The following CNBD1 variants were observed in gnomAD, a reference collection of about 807,000 sequenced individuals.
CNBD1 encodes cyclic nucleotide-binding domain-containing protein 1.
In CNBD1, 71 loss-of-function variants were observed where a neutral mutation model predicts 54.4. The observed-to-expected ratio is 1.30, with a 90% CI of 1.08 to 1.59. The LOEUF (loss-of-function observed/expected upper bound fraction) is 1.59. Ranked by LOEUF, CNBD1 falls within the 40% of genes most tolerant of loss-of-function variation. The probability of loss-of-function intolerance (pLI) is 0.00; values close to 1 mark genes in which losing one functional copy is unlikely to be tolerated. For synonymous variants in CNBD1, 182 were observed against 170.7 expected (o/e 1.07, Z -0.51); for missense variants, 659 against 518.0 (o/e 1.27, Z -2.64).
At chr8:87,269,102 T>A (rs1217595688) in intron 6 of CNBD1, among the ~76,000 whole-genome samples, 1 of 152,014 alleles carries the variant, frequency 6.6e-6, no homozygotes, top group African/African-American at 2.4e-5. Flanking sequence ...TTTTTGTATA[T>A]TGTAAAAGAA....
At chr8:87,079,285 A>G (rs1421141282) in intron 4 of CNBD1, among the ~76,000 whole-genome samples, 1 of 152,144 alleles carries the variant, frequency 6.6e-6, no homozygotes, top group Non-Finnish European at 1.5e-5. Context: ...TGGATAGTGA[A>G]TAAAGGTGTT....
At chr8:86,987,917 C>T (rs1222685648) in intron 4 of CNBD1, among the ~76,000 whole-genome samples, 2 of 152,020 alleles carry the variant, frequency 1.3e-5, no homozygotes, top group African/African-American at 4.8e-5. Context: ...TTGTTCAGAA[C>T]TTTTGTGTCT....
chr8:86,934,967 A>G (rs79925466), intron 3 of CNBD1, among the ~76,000 whole-genome samples: 12,098 of 152,028 alleles, frequency 0.08, 628 homozygotes, highest in African/African-American at 0.15. Context: ...CTTGCTGGAA[A>G]CTACATATGA....
At chr8:87,092,025 A>G (rs965040662) in intron 4 of CNBD1, among the ~76,000 whole-genome samples, 5 of 152,224 alleles carry the variant, frequency 3.3e-5, no homozygotes, top group Non-Finnish European at 7.3e-5. Context: ...ACATATAACA[A>G]ATGCAGATGG....
At chr8:87,157,253 G>A (rs1412400581) in intron 4 of CNBD1, among the ~76,000 whole-genome samples, 1 of 152,108 alleles carries the variant, frequency 6.6e-6, no homozygotes, top group Non-Finnish European at 1.5e-5. Flanking sequence ...TTTATCATTG[G>A]TCTGGCTAAT....
intron 2 of CNBD1, among the ~76,000 whole-genome samples, chr8:87,426,753 G>T (rs1011297126): frequency 7.9e-5 from 12 of 152,124 alleles, no homozygotes; most frequent in Non-Finnish European, 1.3e-4. Flanking sequence ...AGCACTTAGT[G>T]TGCATAATCA....
intron 2 of CNBD1, among the ~76,000 whole-genome samples, chr8:87,410,176 C>T (rs1011998837): frequency 3.3e-5 from 5 of 152,128 alleles, no homozygotes; most frequent in South Asian, 2.1e-4. Context: ...GATTCATTTA[C>T]AATGCACATA....
chr8:87,187,406 T>C (rs1321828315), intron 4 of CNBD1, among the ~76,000 whole-genome samples: 1 of 151,976 alleles, frequency 6.6e-6, no homozygotes, highest in Non-Finnish European at 1.5e-5. Flanking sequence ...TAACTTTATA[T>C]GAGGATAGAG....
chr8:86,959,851 C>G (rs1340882695), intron 4 of CNBD1, among the ~76,000 whole-genome samples: 1 of 152,180 alleles, frequency 6.6e-6, no homozygotes, highest in Non-Finnish European at 1.5e-5. Flanking sequence ...GCCTTCTTCT[C>G]TCCACTCGTC....
chr8:87,017,480 A>G (rs1425272881), intron 4 of CNBD1, among the ~76,000 whole-genome samples: 1 of 152,228 alleles, frequency 6.6e-6, no homozygotes, highest in Admixed American at 6.5e-5. Flanking sequence ...TTGCTATGGA[A>G]TATTAACTAA....
intron 6 of CNBD1, among the ~76,000 whole-genome samples, chr8:87,254,619 T>C (rs1807975906): frequency 6.6e-6 from 1 of 152,100 alleles, no homozygotes; most frequent in South Asian, 2.1e-4. Flanking sequence ...GTAACAAAGA[T>C]ATGGATAATT....
chr8:87,361,449 C>G (rs1180185971), intron 10 of CNBD1, among the ~76,000 whole-genome samples: 2 of 151,550 alleles, frequency 1.3e-5, no homozygotes, highest in Non-Finnish European at 3.0e-5. Context: ...TCTTACAAGG[C>G]TATGTGAAGA....
At chr8:87,117,587 T>TA (rs1811801644) in intron 4 of CNBD1, among the ~76,000 whole-genome samples, 1 of 152,160 alleles carries the variant, frequency 6.6e-6, no homozygotes, top group Non-Finnish European at 1.5e-5. Flanking sequence ...TTCCTCTTTT[T>TA]ATTTACTGCT....
At chr8:87,319,203 A>C (rs758935209) in intron 8 of CNBD1, among the ~76,000 whole-genome samples, 1 of 152,090 alleles carries the variant, frequency 6.6e-6, no homozygotes, top group Admixed American at 6.6e-5. Flanking sequence ...AGTTACCTTC[A>C]ACAGAGAAGT....
chr8:86,958,365 T>A (rs962212472), intron 4 of CNBD1, among the ~76,000 whole-genome samples: 1 of 152,200 alleles, frequency 6.6e-6, no homozygotes, highest in African/African-American at 2.4e-5. Context: ...CAGAGCTGAG[T>A]TCAATTCCTG....
rs558466645 is a variant in CNBD1 at position 87,084,911 on chromosome 8, G to A, written c.432-121082G>A. 3.5e-4 allele frequency among the ~76,000 whole-genome samples: 53 copies of A among 152,204 alleles called. 2 individuals are homozygous for A. The South Asian group carries it at 0.01, about 29-fold the overall frequency. On this transcript the variant is annotated intron_variant, in intron 4 of 10. Coordinates refer to ENST00000518476, the MANE Select transcript of CNBD1 (RefSeq NM_173538.3). ...GCTGGTCTCGAACTCCCAACCTCAG[G>A]TGATCCACCTGCCTCAGTCTCCCAA...
chr8:87,368,653 AGAGT>A (rs1810693646), intron 10 of CNBD1, among the ~76,000 whole-genome samples: 1 of 151,930 alleles, frequency 6.6e-6, no homozygotes, highest in African/African-American at 2.4e-5. Flanking sequence ...AGAGGGAGAG[AGAGT>A]GAGAGAGAGA....
At chr8:87,127,355 A>G (rs1401135307) in intron 4 of CNBD1, among the ~76,000 whole-genome samples, 1 of 152,056 alleles carries the variant, frequency 6.6e-6, no homozygotes, top group African/African-American at 2.4e-5. Flanking sequence ...TTTAGTTTTT[A>G]ATGTTTAAGT....
At chr8:87,112,846 C>T (rs911250258) in intron 4 of CNBD1, among the ~76,000 whole-genome samples, 1 of 152,126 alleles carries the variant, frequency 6.6e-6, no homozygotes, top group African/African-American at 2.4e-5. Flanking sequence ...CTAAGGTACT[C>T]CTGGCACTAG....
Sources: allele counts gnomAD v4.1 joint callset (sites outside exome capture counted in the v4.1 genomes callset), GRCh38; gene constraint gnomAD v4.1.1; transcripts MANE v1.5; gene names NCBI Gene and HGNC (gene_info 2026-07-23, HGNC 2026-07-21).